FAM90A1: variants seen among roughly 807,000 people sequenced by gnomAD.
FAM90A1 encodes the protein protein FAM90A1.
FAM90A1 carries 10 observed loss-of-function variants against 14.8 expected under a neutral mutation model. That is an observed-to-expected ratio of 0.67 (90% confidence interval 0.42 to 1.14). The LOEUF (loss-of-function observed/expected upper bound fraction) is 1.14. FAM90A1 is among the 50% of genes most tolerant of loss of function. The pLI, the probability that FAM90A1 is intolerant of heterozygous loss-of-function variation, is 0.00. For missense variants in FAM90A1, 567 were observed against 602.8 expected (o/e 0.94, Z 0.62); for synonymous variants, 236 against 248.4 (o/e 0.95, Z 0.47).
chr12:8,224,613 CTT>C (rs1386106545), intron 4 of FAM90A1, 95 bp downstream of exon 4: 1 of 1,045,462 alleles, frequency 9.6e-7, no homozygotes, highest in African/African-American at 1.6e-5. Flanking sequence ...TGACAGAACT[CTT>C]TGGAATCCAA....
At position 8,227,349 on chromosome 12, in the gene FAM90A1, C is replaced by G. The variant is rs890897588; in HGVS notation, c.-421+131G>C. 15 of 293,518 alleles carry G rather than the reference C, an allele frequency of 5.1e-5. No individual in the cohort carries two copies. In the East Asian group the frequency reaches 1.3e-3, roughly 25 times the overall value. The allele number at this position is 293,518 out of a possible 1,614,324, so 18.2% of individuals were successfully genotyped here. On this transcript the variant is annotated intron_variant, in intron 1 of 6. Coordinates refer to ENST00000538603, the MANE Select transcript of FAM90A1 (RefSeq NM_018088.3). The stretch of plus-strand genomic sequence containing the variant: ...TCTGGGGGCTGTGGCAGGGCAGGGG[C>G]GGCTTGGAACCTGCGCCATGTGATC...
rs1237242038 is a variant in FAM90A1 at position 8,224,349 on chromosome 12, T to C, written c.124-134A>G. ...AGAGGGGACACCGGCATGGGGGCCG[T>C]TAAGTGCTGGGAGAGTTCGGATACG... On this transcript the variant is annotated intron_variant, in intron 4 of 6. Transcript: ENST00000538603. The C allele has an allele frequency of 9.7e-6, 8 of 828,608 alleles. No individual in the cohort carries two copies. In the East Asian group the frequency reaches 1.8e-4, roughly 19 times the overall value. 51.3% of individuals were successfully genotyped at this position (828,608 alleles called of 1,614,324 possible).
rs112967629 is a variant in FAM90A1 at position 8,225,848 on chromosome 12, G to T, written c.-69C>A. 1 of 151,968 alleles carries T rather than the reference G, an allele frequency of 6.6e-6. No homozygotes were observed. The highest frequency in any genetic ancestry group is 1.5e-5 in the Non-Finnish European group (1 of 68,006). 9.4% of individuals were successfully genotyped at this position (151,968 alleles called of 1,614,324 possible). A position where few individuals can be genotyped will look rare whatever the true frequency, so the allele number is the denominator to read the frequency against. On this transcript the variant is annotated 5_prime_UTR_variant, in exon 3 of 7. Transcript: ENST00000538603. ...CAGTGAAACTAACCTGAAATTACAC[G>T]TCTACTTTCTTTCCCCGGCTGGCGC...
chr12:8,224,916 C>T lies in FAM90A1; in HGVS notation c.-56-28G>A, dbSNP rs181255280. The stretch of plus-strand genomic sequence containing the variant: ...GAAACACACACAAACACACACAAGT[C>T]GATGGTTAAGCACATTGGATATTCA... On this transcript the variant is annotated intron_variant, in intron 3 of 6. Transcript: ENST00000538603. 7.7e-4 allele frequency: 1,184 copies of T among 1,544,874 alleles called. 8 individuals are homozygous for T. In the African/African-American group the frequency reaches 0.013, roughly 17 times the overall value.
intron 3 of FAM90A1, 60 bp from the exon 4 acceptor site, chr12:8,224,948 C>G: frequency 7.6e-7 from 1 of 1,320,992 alleles, no homozygotes; most frequent in South Asian, 1.2e-5. Context: ...TTCACACACC[C>G]ACAGGAAGCC....
Position 8,224,878 on chromosome 12 carries a change from T to G in FAM90A1, c.-46A>C. On this transcript the variant is annotated 5_prime_UTR_variant, in exon 4 of 7. Transcript: ENST00000538603. ...ATGACCGCCTTTTTCAGGGGTTGAT[T>G]GTCGGGTCACCTGAAACACACACAA... The G allele has an allele frequency of 6.2e-7, 1 of 1,602,292 alleles. No individual in the cohort carries two copies. The highest frequency in any genetic ancestry group is 2.3e-4 in the Middle Eastern group (1 of 4,426).
At position 8,221,908 on chromosome 12, in the gene FAM90A1, G is replaced by C; in HGVS notation, c.1309C>G (p.Pro437Ala). ...SPHVSEKSEGPCVRVPPSVLY... is the reference protein window; with the variant it reads ...SPHVSEKSEGACVRVPPSVLY... ...ACGCTTGGTGGGACACGAACACAGG[G>C]ACCCTCAGACTTCTCTGAGACATGA... The change falls in exon 7 of 7, where the codon CCC (proline) becomes GCC (alanine). Residue 437 changes from proline (P) to alanine (A), a missense_variant. Transcript: ENST00000538603. 6.3e-7 allele frequency: 1 copy of C among 1,596,500 alleles called. No individual in the cohort carries two copies. Among genetic ancestry groups the C allele is most frequent in the Non-Finnish European group, 8.5e-7 (1 of 1,179,770 alleles).
Position 8,222,803 on chromosome 12 carries a change from C to T in FAM90A1, c.433-19G>A, listed in dbSNP as rs765064194. The T allele has an allele frequency of 6.3e-6, 10 of 1,577,540 alleles. No individual in the cohort carries two copies. The East Asian group carries it at 1.4e-4, about 22-fold the overall frequency. On this transcript the variant is annotated intron_variant, in intron 6 of 6. Coordinates refer to ENST00000538603, the MANE Select transcript of FAM90A1 (RefSeq NM_018088.3). ...TTGCAACCTGAAAGAGAGGAAACAA[C>T]ACAGGTTAGAAGTTCCTCAGCATGG... is the stretch of plus-strand genomic sequence containing the variant.
chr12:8,223,237 A>G (rs1948871814), intron 6 of FAM90A1, among the ~76,000 whole-genome samples: 1 of 152,222 alleles, frequency 6.6e-6, no homozygotes, highest in African/African-American at 2.4e-5. Flanking sequence ...CAGGCTTGCC[A>G]TAATTGGACA....
At chr12:8,225,055 G>T (rs1360265524) in intron 3 of FAM90A1, among the ~76,000 whole-genome samples, 167 bp from the exon 4 acceptor site, 1 of 152,252 alleles carries the variant, frequency 6.6e-6, no homozygotes, top group African/African-American at 2.4e-5. Context: ...CTCAGATATT[G>T]TGTGTTCCTC....
At position 8,222,550 on chromosome 12, in the gene FAM90A1, G is replaced by T; in HGVS notation, c.667C>A (p.Leu223Ile). The change falls in exon 7 of 7, where the codon CTC becomes ATC. Residue 223 changes from leucine to isoleucine, a missense_variant. Leu to Ile is a conservative substitution (Grantham distance 5, BLOSUM62 2). Transcript: ENST00000538603. ...CTGTGTGTCGGCTTCACCACGAGGA[G>T]AGGCTCGGGGCCCTGGTGCCTGACT... ...TAVRHQGPEP[L>I]LVVKPTHSSP... 2 of 1,612,048 alleles carry T rather than the reference G, an allele frequency of 1.2e-6. No individual in the cohort carries two copies. Among genetic ancestry groups the T allele is most frequent in the Non-Finnish European group, 1.7e-6 (2 of 1,179,876 alleles).
rs769026894 is a variant in FAM90A1, at chr12:8,224,566, C to T, written c.123+144G>A. Reference sequence around the variant, plus strand: ...GGGCCGGGGAGGAGGTCCCAAGCCACGCCCACCTTGGATGGGAAAAGCAAC... The same window carrying T: ...GGGCCGGGGAGGAGGTCCCAAGCCATGCCCACCTTGGATGGGAAAAGCAAC... On this transcript the variant is annotated intron_variant, in intron 4 of 6. Transcript: ENST00000538603. 154 of 769,396 alleles carry T rather than the reference C, an allele frequency of 2.0e-4. 1 individual carries two copies. The highest frequency in any genetic ancestry group is 1.4e-3 in the African/African-American group (78 of 56,138). 47.7% of individuals were successfully genotyped at this position (769,396 alleles called of 1,614,324 possible).
intron 5 of FAM90A1, 84 bp from the exon 6 acceptor site, chr12:8,223,641 C>A: frequency 2.2e-5 from 19 of 864,936 alleles, no homozygotes. Context: ...CAGTCCCATT[C>A]CGTGTTTTGT....
chr12:8,224,999 A>G, intron 3 of FAM90A1, 111 bp from the exon 4 acceptor site: 1 of 748,782 alleles, frequency 1.3e-6, no homozygotes, highest in South Asian at 1.7e-5. Context: ...AGGAGACCTC[A>G]CCACCAGTCG....
chr12:8,222,407 G>A lies in FAM90A1; in HGVS notation c.810C>T (p.Cys270=). 6.2e-7 allele frequency: 1 copy of A among 1,611,566 alleles called. No homozygotes were observed. Among genetic ancestry groups the A allele is most frequent in the African/African-American group, 1.3e-5 (1 of 74,982 alleles). The stretch of plus-strand genomic sequence containing the variant: ...CCAAGCTGTGTGTGGCGGCTGGTGG[G>A]CAGGGCTGTGAGGTCACCGCAGGAC... ...DKRPAVTSQP[C]PPAATHSLGL... The change falls in exon 7 of 7, where the codon TGC becomes TGT. Residue 270 remains cysteine (C), a synonymous_variant. Transcript: ENST00000538603.
rs1948968172 is a variant in FAM90A1, at chr12:8,227,532, G to GT, written c.-474dup. 9.4e-6 allele frequency: 9 copies of GT among 952,812 alleles called. No homozygotes were observed. Among genetic ancestry groups the GT allele is most frequent in the Non-Finnish European group, 1.4e-5 (9 of 659,914 alleles). The allele number at this position is 952,812 out of a possible 1,614,324, so 59.0% of individuals were successfully genotyped here. ...GCTGGCTGCAGGTGCAGGGCTATGC[G>GT]TCAGGGGTCAGGGTGCACACATCCC... is the stretch of plus-strand genomic sequence containing the variant. On this transcript the variant is annotated 5_prime_UTR_variant, in exon 1 of 7. Coordinates refer to ENST00000538603, the MANE Select transcript of FAM90A1 (RefSeq NM_018088.3).
chr12:8,225,508 A>G (rs368990137), intron 3 of FAM90A1, among the ~76,000 whole-genome samples: 11 of 152,318 alleles, frequency 7.2e-5, no homozygotes, highest in South Asian at 2.1e-4. Context: ...GAATTCATCT[A>G]AACGAACGGT....
intron 1 of FAM90A1, among the ~76,000 whole-genome samples, 188 bp downstream of exon 1, chr12:8,227,292 C>T (rs187759179): frequency 1.3e-5 from 2 of 152,288 alleles, no homozygotes; most frequent in East Asian, 1.9e-4. Context: ...CCTCTAGGCT[C>T]CCAGGAGTGG....
chr12:8,222,561 C>A lies in FAM90A1; in HGVS notation c.656G>T (p.Gly219Val), dbSNP rs773688700. Residue 219 changes from glycine to valine, a missense_variant, in exon 7 of 7, where the codon GGC (glycine) becomes GTC (valine). Coordinates refer to ENST00000538603, the MANE Select transcript of FAM90A1 (RefSeq NM_018088.3). ...DIPQTAVRHQGPEPLLVVKPT... is the reference protein window; with the variant it reads ...DIPQTAVRHQVPEPLLVVKPT... The stretch of plus-strand genomic sequence containing the variant: ...CTTCACCACGAGGAGAGGCTCGGGG[C>A]CCTGGTGCCTGACTGCAGTCTGAGG... 3.1e-6 allele frequency: 5 copies of A among 1,611,982 alleles called. No individual in the cohort carries two copies. The highest frequency in any genetic ancestry group is 4.2e-6 in the Non-Finnish European group (5 of 1,179,858).
Sources: gnomAD v4.1 joint callset for allele counts (sites outside exome capture counted in the v4.1 genomes callset) on GRCh38, gnomAD v4.1.1 for gene constraint, MANE v1.5 for transcripts, NCBI Gene and HGNC (gene_info 2026-07-23, HGNC 2026-07-21) for gene names.